The following MAP3K21 variants were observed in gnomAD, a reference collection of about 807,000 sequenced individuals.
MAP3K21 encodes the protein mitogen-activated protein kinase kinase kinase 21, also known as mitogen-activated protein kinase kinase kinase MLK4.
Under a neutral mutation model 86.1 loss-of-function variants are expected in MAP3K21, and 63 were observed. The observed-to-expected ratio is 0.73, with a 90% CI of 0.60 to 0.90. The LOEUF is 0.90. MAP3K21 is among the 40% of genes least tolerant of loss of function. The probability of loss-of-function intolerance (pLI) is 0.00; values close to 1 mark genes in which losing one functional copy is unlikely to be tolerated. For synonymous variants in MAP3K21, 558 were observed against 564.8 expected (o/e 0.99, Z 0.17); for missense variants, 1,220 against 1,367.7 (o/e 0.89, Z 1.70).
chr1:233,343,878 A>G (rs569056456), intron 1 of MAP3K21, among the ~76,000 whole-genome samples: 12 of 152,344 alleles, frequency 7.9e-5, no homozygotes, highest in African/African-American at 2.6e-4. Context: ...AACATTTGAA[A>G]AAAATGACCC....
intron 2 of MAP3K21, among the ~76,000 whole-genome samples, chr1:233,350,140 C>T (rs976344207): frequency 6.6e-6 from 1 of 152,098 alleles, no homozygotes; most frequent in African/African-American, 2.4e-5. Flanking sequence ...CTCCCGTGTA[C>T]TTTAAAGCAT....
intron 5 of MAP3K21, among the ~76,000 whole-genome samples, chr1:233,367,744 C>A (rs938255043): frequency 7.3e-5 from 11 of 151,688 alleles, no homozygotes; most frequent in Middle Eastern, 3.2e-3. Context: ...CCTGTAATCC[C>A]AGCTACTCAG....
At chr1:233,339,114 A>C (rs1662968062) in intron 1 of MAP3K21, among the ~76,000 whole-genome samples, 1 of 152,232 alleles carries the variant, frequency 6.6e-6, no homozygotes, top group Non-Finnish European at 1.5e-5. Context: ...ATTTCAGGGA[A>C]GAATGATCAA....
chr1:233,374,338 G>A (rs1663746343), intron 6 of MAP3K21, among the ~76,000 whole-genome samples: 1 of 152,008 alleles, frequency 6.6e-6, no homozygotes, highest in African/African-American at 2.4e-5. Context: ...ACCACGCCCG[G>A]CTAATTTTTG....
At chr1:233,333,058 G>T (rs1410960484) in intron 1 of MAP3K21, among the ~76,000 whole-genome samples, 2 of 152,040 alleles carry the variant, frequency 1.3e-5, no homozygotes, top group African/African-American at 4.8e-5. Context: ...ATGACAAACT[G>T]CAAAAGGAAT....
At chr1:233,378,269 A>G (rs952394806) in intron 8 of MAP3K21, among the ~76,000 whole-genome samples, 1 of 152,260 alleles carries the variant, frequency 6.6e-6, no homozygotes, top group Non-Finnish European at 1.5e-5. Context: ...TTAAGCGGGT[A>G]TAATTTGTAA....
At chr1:233,371,327 A>AG (rs1332613449) in intron 5 of MAP3K21, among the ~76,000 whole-genome samples, 3 of 152,138 alleles carry the variant, frequency 2.0e-5, no homozygotes, top group African/African-American at 7.2e-5. Flanking sequence ...GGACTCATTT[A>AG]AATCCAGGGC....
At chr1:233,372,004 T>A (rs1240724163) in intron 5 of MAP3K21, 34 bp from the exon 6 acceptor site, 1 of 1,599,004 alleles carries the variant, frequency 6.3e-7, no homozygotes. Context: ...AGGAAAACCA[T>A]GAAATACCAG....
intron 1 of MAP3K21, among the ~76,000 whole-genome samples, chr1:233,336,760 T>TATAG (rs1662924145): frequency 6.6e-6 from 1 of 152,192 alleles, no homozygotes; most frequent in Admixed American, 6.5e-5. Flanking sequence ...ATTCAGCAAA[T>TATAG]ATAGATATAC....
rs1663296467 is a variant in MAP3K21, at chr1:233,353,859, A to G, written c.1039A>G (p.Ile347Val). 1 of 1,613,288 alleles carries G rather than the reference A, an allele frequency of 6.2e-7. No homozygotes were observed. Among genetic ancestry groups the G allele is most frequent in the Non-Finnish European group, 8.5e-7 (1 of 1,179,658 alleles). The change falls in exon 3 of 10, where the codon ATT becomes GTT. Residue 347 changes from isoleucine (I) to valine (V), a missense_variant. By Grantham distance (29) the Ile-to-Val change is conservative. Transcript: ENST00000366624. ...CACCGGAGAAGTCCCCTATCGGGGC[A>G]TTGATGGCCTCGCCGTGGCTTATGG... ...LLTGEVPYRG[I>V]DGLAVAYGVA...
chr1:233,328,571 C>A lies in MAP3K21; in HGVS notation c.543C>A (p.Pro181=). 6.5e-7 allele frequency: 1 copy of A among 1,530,900 alleles called. No homozygotes were observed. The highest frequency in any genetic ancestry group is 8.7e-7 in the Non-Finnish European group (1 of 1,149,688). 94.8% of individuals were successfully genotyped at this position (1,530,900 alleles called of 1,614,324 possible). A position where few individuals can be genotyped will look rare whatever the true frequency, so the allele number is the denominator to read the frequency against. Residue 181 remains proline (P), a synonymous_variant, in exon 1 of 10, where the codon CCC becomes CCA. Transcript: ENST00000366624. The surrounding 1 kb of genome is among the most constrained non-coding windows in gnomAD (Gnocchi z 8.7). ...EARLFAMLRH[P]NIIELRGVCL... The stretch of plus-strand genomic sequence containing the variant: ...GGCTCTTCGCCATGCTGCGGCACCC[C>A]AACATCATCGAGCTGCGCGGCGTGT...
chr1:233,346,647 C>T lies in MAP3K21; in HGVS notation c.986+25C>T, dbSNP rs528586086. On this transcript the variant is annotated intron_variant, in intron 2 of 9. Coordinates refer to ENST00000366624, the MANE Select transcript of MAP3K21 (RefSeq NM_032435.3). ...GGTGAGCCTTTCCTTTTGCAAACAT[C>T]GGCAGAAACTGCTTGCTATGCTTTA... The T allele has an allele frequency of 2.3e-4, 369 of 1,601,288 alleles. 1 individual carries two copies. The South Asian group carries it at 3.4e-3, about 15-fold the overall frequency.
intron 5 of MAP3K21, among the ~76,000 whole-genome samples, chr1:233,365,895 G>T (rs1315621886): frequency 1.3e-5 from 2 of 152,160 alleles, no homozygotes; most frequent in Non-Finnish European, 2.9e-5. Flanking sequence ...GCAATCCCAT[G>T]TTTATGGCAA....
At position 233,384,868 on chromosome 1, in the gene MAP3K21, A is replaced by G. The variant is rs767407371; in HGVS notation, c.*2157A>G. The G allele has an allele frequency of 1.3e-5, 2 of 152,210 alleles. No homozygotes were observed. Among genetic ancestry groups the G allele is most frequent in the Non-Finnish European group, 2.9e-5 (2 of 68,024 alleles). The allele number at this position is 152,210 out of a possible 1,614,324, so 9.4% of individuals were successfully genotyped here. On this transcript the variant is annotated 3_prime_UTR_variant, in exon 10 of 10. Transcript: ENST00000366624. ...TTGTAATATAACAATTCAATCTCAC[A>G]TGTTACTGCAGATAGTTAACTTTTG...
At chr1:233,365,780 GTC>G (rs1663561058) in intron 5 of MAP3K21, among the ~76,000 whole-genome samples, 4 of 151,818 alleles carry the variant, frequency 2.6e-5, no homozygotes, top group Admixed American at 2.6e-4. Context: ...CAGTATGGAG[GTC>G]TCTCAAAAAA....
At position 233,328,307 on chromosome 1, in the gene MAP3K21, C is replaced by A. The variant is rs752282285; in HGVS notation, c.279C>A (p.Pro93=). Residue 93 remains proline (P), a synonymous_variant, in exon 1 of 10, where the codon CCC becomes CCA. Transcript: ENST00000366624. This position sits in a 1 kb window ranked among gnomAD's most constrained non-coding sequence, Gnocchi z 8.7. The stretch of plus-strand genomic sequence containing the variant: ...TGCAGCGGCGCCTCGGCATCTTCCC[C>A]GCCAACTACGTGGCTCCCTGCCGCC... ...GQVQRRLGIF[P]ANYVAPCRPA... 5 of 1,484,156 alleles carry A rather than the reference C, an allele frequency of 3.4e-6. No individual in the cohort carries two copies. The highest frequency in any genetic ancestry group is 2.5e-5 in the South Asian group (2 of 78,866). The allele number at this position is 1,484,156 out of a possible 1,614,324, so 91.9% of individuals were successfully genotyped here.
At chr1:233,382,188 A>C in intron 9 of MAP3K21, 117 bp from the exon 10 acceptor site, 1 of 893,542 alleles carries the variant, frequency 1.1e-6, no homozygotes, top group East Asian at 2.6e-5. Context: ...TTTTTGTTGA[A>C]GCTCATTTTA....
intron 1 of MAP3K21, among the ~76,000 whole-genome samples, chr1:233,345,452 T>A (rs113956824): frequency 0.014 from 2,105 of 152,002 alleles, 54 homozygotes; most frequent in African/African-American, 0.047. Flanking sequence ...TGAAGATGGA[T>A]ACCATCATTC....
intron 4 of MAP3K21, among the ~76,000 whole-genome samples, chr1:233,357,908 T>C (rs78011384): frequency 3.3e-4 from 51 of 152,292 alleles, no homozygotes; most frequent in Non-Finnish European, 4.7e-4. Context: ...AGAAATAGAC[T>C]GCTTGGGTGA....
Sources: allele counts gnomAD v4.1 joint callset (sites outside exome capture counted in the v4.1 genomes callset), GRCh38; gene constraint gnomAD v4.1.1; non-coding constraint Gnocchi (gnomAD v3.1); transcripts MANE v1.5; gene names NCBI Gene and HGNC (gene_info 2026-07-23, HGNC 2026-07-21).